MYH11: variants seen among roughly 807,000 people sequenced by gnomAD.
MYH11 encodes myosin heavy chain 11, also known as myosin-11.
Under a neutral mutation model 246.6 loss-of-function variants are expected in MYH11, and 80 were observed. That is an observed-to-expected ratio of 0.32 (90% confidence interval 0.27 to 0.39). The LOEUF is 0.39. MYH11 is among the 10% of genes least tolerant of loss of function. The pLI is 1.00. For missense variants in MYH11, 2,158 were observed against 2,546.8 expected (o/e 0.85, Z 3.29); for synonymous variants, 1,071 against 1,015.5 (o/e 1.05, Z -1.04).
intron 8 of MYH11, among the ~76,000 whole-genome samples, chr16:15,775,107 C>CAGAT (rs1245835679): frequency 1.3e-5 from 2 of 152,208 alleles, no homozygotes; most frequent in African/African-American, 4.8e-5. Flanking sequence ...CTACTATGTA[C>CAGAT]AGATAGTCAC....
chr16:15,719,539 C>T (rs1483023838), intron 35 of MYH11, 46 bp downstream of exon 35: 3 of 1,612,312 alleles, frequency 1.9e-6, no homozygotes, highest in Non-Finnish European at 2.5e-6. Context: ...AGGGGTGCTA[C>T]CGTGACACCC....
intron 7 of MYH11, 104 bp downstream of exon 7, chr16:15,778,676 G>T: frequency 1.8e-6 from 2 of 1,141,006 alleles, no homozygotes; most frequent in Non-Finnish European, 2.7e-6. Context: ...AGAAACCTAA[G>T]AGGCTGGAAA....
chr16:15,805,749 A>C (rs2042995339), intron 3 of MYH11, among the ~76,000 whole-genome samples: 2 of 151,020 alleles, frequency 1.3e-5, no homozygotes, highest in Admixed American at 1.3e-4. Flanking sequence ...CTATCTCTAC[A>C]AAAAAAAATG....
Position 15,829,884 on chromosome 16 carries a change from C to T in MYH11, c.346-6473G>A, listed in dbSNP as rs187834925. On this transcript the variant is annotated intron_variant, in intron 2 of 40. Transcript: ENST00000300036. ...GCGCAGTGGCTCACACCTGTAATCCCGGCACTTTGGGAGGCCAAGGTGGGT... is the reference window on the plus strand; with the variant it reads ...GCGCAGTGGCTCACACCTGTAATCCTGGCACTTTGGGAGGCCAAGGTGGGT... Among the ~76,000 whole-genome samples the T allele has an allele frequency of 1.3e-3, 200 of 152,250 alleles. 1 individual carries two copies. The highest frequency in any genetic ancestry group is 4.0e-3 in the African/African-American group (165 of 41,552).
chr16:15,745,675 C>T (rs2041400848), intron 19 of MYH11, among the ~76,000 whole-genome samples: 1 of 149,492 alleles, frequency 6.7e-6, no homozygotes, highest in African/African-American at 2.5e-5. Context: ...GCAAACTCCA[C>T]CTCCGGGGTT....
At chr16:15,790,573 G>C (rs2042585381) in intron 4 of MYH11, among the ~76,000 whole-genome samples, 1 of 152,168 alleles carries the variant, frequency 6.6e-6, no homozygotes, top group African/African-American at 2.4e-5. Context: ...CTTAGAGCTG[G>C]TTCTAGAAAC....
intron 3 of MYH11, among the ~76,000 whole-genome samples, chr16:15,812,886 AC>A (rs1421698323): frequency 7.0e-6 from 1 of 142,818 alleles, no homozygotes; most frequent in Non-Finnish European, 1.5e-5. Context: ...AATAAAAAAG[AC>A]TGGGCACGGT....
chr16:15,843,404 G>A (rs993322426), intron 1 of MYH11, among the ~76,000 whole-genome samples: 1 of 146,220 alleles, frequency 6.8e-6, no homozygotes, highest in African/African-American at 2.5e-5. Context: ...AGAAAGGAAG[G>A]AAGAGGCCGG....
rs202120792 is a variant in MYH11 at position 15,715,088 on chromosome 16, C to T, written c.5614-7G>A. 217 of 1,606,038 alleles carry T rather than the reference C, an allele frequency of 1.4e-4. 1 individual carries two copies. The Middle Eastern group carries it at 4.3e-3, about 32-fold the overall frequency. Reference sequence around the variant, plus strand: ...TGGCATTGCCTTTCTCTGCCTGTCGCGGAGAGTTGGAGGGGTGGTTAGGGG... The same window carrying T: ...TGGCATTGCCTTTCTCTGCCTGTCGTGGAGAGTTGGAGGGGTGGTTAGGGG... On this transcript the variant is annotated splice_region_variant and splice_polypyrimidine_tract_variant and intron_variant, in intron 39 of 40. Coordinates refer to ENST00000300036, the MANE Select transcript of MYH11 (RefSeq NM_002474.3).
intron 32 of MYH11, 99 bp downstream of exon 32, chr16:15,721,323 T>C: frequency 7.4e-7 from 1 of 1,360,128 alleles, no homozygotes; most frequent in Non-Finnish European, 1.0e-6. Context: ...GATAGTTCGC[T>C]ATGAAAAAGG....
chr16:15,826,717 C>T lies in MYH11; in HGVS notation c.346-3306G>A, dbSNP rs532714514. 3.2e-4 allele frequency among the ~76,000 whole-genome samples: 49 copies of T among 151,880 alleles called. No homozygotes were observed. The East Asian group carries it at 8.5e-3, about 26-fold the overall frequency. On this transcript the variant is annotated intron_variant, in intron 2 of 40. Coordinates refer to ENST00000300036, the MANE Select transcript of MYH11 (RefSeq NM_002474.3). Reference sequence around the variant, plus strand: ...TCTTTGAAGGTACAGGATTGTTGGGCGCAGTGGTTCACACCTATGATCCCA... The same window carrying T: ...TCTTTGAAGGTACAGGATTGTTGGGTGCAGTGGTTCACACCTATGATCCCA...
intron 3 of MYH11, among the ~76,000 whole-genome samples, chr16:15,801,520 T>C (rs993514461): frequency 6.6e-6 from 1 of 151,406 alleles, no homozygotes; most frequent in Non-Finnish European, 1.5e-5. Context: ...TAATTAGCTA[T>C]GTGTGATAGA....
intron 3 of MYH11, among the ~76,000 whole-genome samples, chr16:15,799,164 T>A (rs1254027696): frequency 6.6e-6 from 1 of 152,200 alleles, no homozygotes; most frequent in African/African-American, 2.4e-5. Flanking sequence ...ATCCATTTCC[T>A]CTTCTTCCAG....
intron 9 of MYH11, among the ~76,000 whole-genome samples, chr16:15,768,655 C>T (rs939166934): frequency 6.6e-6 from 1 of 152,230 alleles, no homozygotes; most frequent in South Asian, 2.1e-4. Flanking sequence ...TCTTTCCTTA[C>T]ATTTGTTTTA....
At chr16:15,737,755 G>T in intron 24 of MYH11, 135 bp from the exon 25 acceptor site, 1 of 870,874 alleles carries the variant, frequency 1.1e-6, no homozygotes, top group Non-Finnish European at 1.8e-6. Context: ...TCACGGTCTG[G>T]ACCATTATCT....
chr16:15,766,346 T>TGG (rs34213603), intron 9 of MYH11, among the ~76,000 whole-genome samples: 7 of 52,974 alleles, frequency 1.3e-4, no homozygotes, highest in African/African-American at 4.5e-4. Context: ...TGTTTTTTGG[T>TGG]GTGTGTGTGT....
At position 15,743,227 on chromosome 16, in the gene MYH11, G is replaced by A. The variant is rs146835438; in HGVS notation, c.2521-1336C>T. Among the ~76,000 whole-genome samples, 709 of 152,208 alleles carry A rather than the reference G, an allele frequency of 4.7e-3. 2 individuals are homozygous for A. The highest frequency in any genetic ancestry group is 0.015 in the African/African-American group (605 of 41,536). ...CCTGTCACCCAGGCTGGAGTGCAGT[G>A]GCACGATCTCAGCTCACTGAAACCT... On this transcript the variant is annotated intron_variant, in intron 20 of 40. Coordinates refer to ENST00000300036, the MANE Select transcript of MYH11 (RefSeq NM_002474.3).
At chr16:15,803,393 C>T (rs927021367) in intron 3 of MYH11, among the ~76,000 whole-genome samples, 1 of 151,652 alleles carries the variant, frequency 6.6e-6, no homozygotes, top group Non-Finnish European at 1.5e-5. Context: ...TCTTCCACCT[C>T]GGCCCCCCGA....
intron 31 of MYH11, among the ~76,000 whole-genome samples, chr16:15,722,357 T>C (rs1419295703): frequency 6.6e-6 from 1 of 152,222 alleles, no homozygotes; most frequent in Non-Finnish European, 1.5e-5. Context: ...CATATCTCTC[T>C]GCTTGGAGAA....
Sources: gnomAD v4.1 joint callset for allele counts (sites outside exome capture counted in the v4.1 genomes callset) on GRCh38, gnomAD v4.1.1 for gene constraint, MANE v1.5 for transcripts, NCBI Gene and HGNC (gene_info 2026-07-23, HGNC 2026-07-21) for gene names.